ERBB4: variants seen among roughly 807,000 people sequenced by gnomAD.
The protein encoded by ERBB4 is receptor tyrosine-protein kinase erbB-4.
ERBB4 carries 42 observed loss-of-function variants against 158.0 expected under a neutral mutation model. That is an observed-to-expected ratio of 0.27 (90% CI 0.21 to 0.34). The LOEUF is 0.34. ERBB4 is among the 10% of genes least tolerant of loss of function. The pLI is 1.00. For synonymous variants in ERBB4, 583 were observed against 558.7 expected (o/e 1.04, Z -0.61); for missense variants, 1,333 against 1,624.1 (o/e 0.82, Z 3.08).
rs149353902 is a variant in ERBB4, at chr2:211,930,412, C to T, written c.421+17018G>A. On this transcript the variant is annotated intron_variant, in intron 3 of 27. Transcript: ENST00000342788. ...AACAAACATGAAGTAAGTCTAAACACTTGTGAAATGCTACTAAGATACCTT... is the reference window on the plus strand; with the variant it reads ...AACAAACATGAAGTAAGTCTAAACATTTGTGAAATGCTACTAAGATACCTT... Among the ~76,000 whole-genome samples, 212 of 152,232 alleles carry T rather than the reference C, an allele frequency of 1.4e-3. 1 individual carries two copies. The highest frequency in any genetic ancestry group is 3.4e-3 in the Middle Eastern group (1 of 294).
rs2062548216 is a variant in ERBB4 at position 211,380,023 on chromosome 2, C to T, written c.*3592G>A. On this transcript the variant is annotated 3_prime_UTR_variant, in exon 28 of 28. Coordinates refer to ENST00000342788, the MANE Select transcript of ERBB4 (RefSeq NM_005235.3). ...TTCCTTTAGAAGGTATTAGCTCACA[C>T]ACTATAACACTTAAACACTATTCCT... is the stretch of plus-strand genomic sequence containing the variant. The T allele has an allele frequency of 1.7e-5, 3 of 175,702 alleles. No individual in the cohort carries two copies. The Admixed American group carries it at 2.6e-4, about 15-fold the overall frequency. The allele number at this position is 175,702 out of a possible 1,614,324, so 10.9% of individuals were successfully genotyped here. A position where few individuals can be genotyped will look rare whatever the true frequency, so the allele number is the denominator to read the frequency against.
At chr2:212,149,183 A>T (rs55745539) in intron 1 of ERBB4, among the ~76,000 whole-genome samples, 30,577 of 151,600 alleles carry the variant, frequency 0.2, 3,830 homozygotes, top group African/African-American at 0.36. Context: ...AAAAAATTTT[A>T]AAAAATTTGA....
chr2:211,738,040 T>G (rs930073397), intron 5 of ERBB4, among the ~76,000 whole-genome samples: 4 of 141,610 alleles, frequency 2.8e-5, no homozygotes, highest in Non-Finnish European at 6.0e-5. Context: ...AGTGTTAAAA[T>G]AATACATTTC....
intron 1 of ERBB4, among the ~76,000 whole-genome samples, chr2:212,488,319 C>T (rs966610133): frequency 4.2e-5 from 4 of 95,860 alleles, no homozygotes; most frequent in South Asian, 2.9e-4. Context: ...TTCCTCGCTC[C>T]TCTCTCTCTC....
At chr2:211,432,248 T>G (rs2063760597) in intron 20 of ERBB4, among the ~76,000 whole-genome samples, 1 of 152,204 alleles carries the variant, frequency 6.6e-6, no homozygotes, top group Non-Finnish European at 1.5e-5. Flanking sequence ...TAATGGTTTC[T>G]AATATCAAAA....
chr2:212,216,370 A>C (rs1438587785), intron 1 of ERBB4, among the ~76,000 whole-genome samples: 2 of 151,362 alleles, frequency 1.3e-5, no homozygotes, highest in African/African-American at 4.8e-5. Context: ...TATCTTATGC[A>C]TATCATGGCA....
At chr2:212,364,765 A>C (rs968066234) in intron 1 of ERBB4, among the ~76,000 whole-genome samples, 2 of 151,736 alleles carry the variant, frequency 1.3e-5, no homozygotes, top group African/African-American at 4.8e-5. Context: ...AAAATACACT[A>C]TTCTGGCTAT....
chr2:212,382,565 T>C (rs2090543865), intron 1 of ERBB4, among the ~76,000 whole-genome samples: 1 of 150,886 alleles, frequency 6.6e-6, no homozygotes, highest in Admixed American at 6.6e-5. Flanking sequence ...TATATGTATA[T>C]TTTCCCTGAA....
chr2:211,424,136 C>T lies in ERBB4; in HGVS notation c.2866+19G>A, dbSNP rs2063573570. ...TTACTAAGAATGATGATGGTGATAA[C>T]ATTATTTTGCAGTCTTACATTTGAC... On this transcript the variant is annotated intron_variant, in intron 23 of 27. Transcript: ENST00000342788. 1.2e-6 allele frequency: 2 copies of T among 1,608,152 alleles called. No individual in the cohort carries two copies. Among genetic ancestry groups the T allele is most frequent in the South Asian group, 1.1e-5 (1 of 90,982 alleles).
At chr2:211,582,854 G>A (rs1222617064) in intron 19 of ERBB4, among the ~76,000 whole-genome samples, 2 of 152,016 alleles carry the variant, frequency 1.3e-5, no homozygotes, top group Non-Finnish European at 2.9e-5. Context: ...AGTATTTAAA[G>A]GTTCTTCCAA....
chr2:211,470,274 A>C (rs1405109119), intron 20 of ERBB4, among the ~76,000 whole-genome samples: 1 of 152,140 alleles, frequency 6.6e-6, no homozygotes, highest in Non-Finnish European at 1.5e-5. Flanking sequence ...ATATGGCTAC[A>C]TTCTTAAAAA....
chr2:211,519,925 T>C (rs7603778), intron 20 of ERBB4, among the ~76,000 whole-genome samples: 15,384 of 152,138 alleles, frequency 0.1, 1,133 homozygotes, highest in African/African-American at 0.21. Context: ...TATCTCTGAG[T>C]TTTGTCCTAA....
intron 4 of ERBB4, among the ~76,000 whole-genome samples, chr2:211,755,358 C>T (rs1021711920): frequency 5.3e-5 from 8 of 152,012 alleles, no homozygotes; most frequent in Admixed American, 2.0e-4. Flanking sequence ...AAAAATCGGT[C>T]GGGCTTGTTG....
At chr2:212,506,055 A>G (rs1691178226) in intron 1 of ERBB4, among the ~76,000 whole-genome samples, 1 of 149,046 alleles carries the variant, frequency 6.7e-6, no homozygotes, top group African/African-American at 2.4e-5. Flanking sequence ...ATCTCTGGAC[A>G]CATAGAATTT....
At chr2:211,619,361 T>C in intron 18 of ERBB4, 86 bp from the exon 19 acceptor site, 3 of 780,462 alleles carry the variant, frequency 3.8e-6, no homozygotes, top group Non-Finnish European at 6.7e-6. Context: ...TATTATAACA[T>C]TCAATCAACA....
intron 1 of ERBB4, among the ~76,000 whole-genome samples, chr2:212,420,974 T>G (rs2091778474): frequency 6.6e-6 from 1 of 152,148 alleles, no homozygotes; most frequent in South Asian, 2.1e-4. Context: ...ACTTGGAGAT[T>G]TTACTCTGGA....
intron 12 of ERBB4, among the ~76,000 whole-genome samples, chr2:211,691,773 A>G (rs1411349520): frequency 1.3e-5 from 2 of 151,980 alleles, no homozygotes; most frequent in South Asian, 2.1e-4. Context: ...TTGTAACTCT[A>G]GCCAAGAGAG....
At chr2:212,271,455 T>C (rs1441357498) in intron 1 of ERBB4, among the ~76,000 whole-genome samples, 1 of 151,760 alleles carries the variant, frequency 6.6e-6, no homozygotes, top group East Asian at 1.9e-4. Context: ...ATGCCAAAAG[T>C]TATCAGAAAG....
At chr2:211,665,008 C>A (rs2071573828) in intron 15 of ERBB4, among the ~76,000 whole-genome samples, 1 of 152,182 alleles carries the variant, frequency 6.6e-6, no homozygotes, top group Non-Finnish European at 1.5e-5. Flanking sequence ...ACTGTCCTAT[C>A]TTTTCTGAGA....
Sources: gnomAD v4.1 joint callset for allele counts (sites outside exome capture counted in the v4.1 genomes callset) on GRCh38, gnomAD v4.1.1 for gene constraint, MANE v1.5 for transcripts, NCBI Gene and HGNC (gene_info 2026-07-23, HGNC 2026-07-21) for gene names.